ZNF564: variants seen among roughly 807,000 people sequenced by gnomAD.
ZNF564 encodes the protein zinc finger protein 564.
ZNF564 carries 5 observed loss-of-function variants against 10.5 expected under a neutral mutation model. The observed-to-expected ratio is 0.48, with a 90% CI of 0.25 to 1.00. The LOEUF is 1.00. ZNF564 is among the 50% of genes least tolerant of loss of function. ZNF564 has a pLI of 0.16. For synonymous variants in ZNF564, 242 were observed against 218.1 expected, an observed-to-expected ratio of 1.11 and a Z score of -0.97; for missense variants, 603 against 669.7, an observed-to-expected ratio of 0.90 and a Z score of 1.10.
intron 1 of ZNF564, among the ~76,000 whole-genome samples, chr19:12,536,392 G>A (rs1422090469): frequency 6.6e-6 from 1 of 152,126 alleles, no homozygotes; most frequent in Non-Finnish European, 1.5e-5. Flanking sequence ...GCCCAGGCTG[G>A]TCTCAAACTC....
chr19:12,527,793 A>AGT lies in ZNF564; in HGVS notation c.314_315insAC (p.Cys105Ter). ...KIPTIVRPCE[C>*]SLCGKVFMHH... Reference sequence around the variant, plus strand: ...GCATGAAGACTTTCCCACACAAACTACATTCACATGGTCTTACTATAGTAG... The same window carrying AGT: ...GCATGAAGACTTTCCCACACAAACTAGTCATTCACATGGTCTTACTATAGTAG... Residue 105 changes from cysteine to a stop codon, truncating the protein, a stop_gained and frameshift_variant, in exon 4 of 4, where the codon TGT becomes TGACT. Coordinates refer to ENST00000339282, the MANE Select transcript of ZNF564 (RefSeq NM_144976.4). LOFTEE classifies it low-confidence loss of function (END_TRUNC). The AGT allele has an allele frequency of 6.2e-7, 1 of 1,614,138 alleles. No individual in the cohort carries two copies. Among genetic ancestry groups the AGT allele is most frequent in the Non-Finnish European group, 8.5e-7 (1 of 1,180,034 alleles).
rs1231393080 is a variant in ZNF564, at chr19:12,551,350, G to A, written c.-18C>T. The A allele has an allele frequency of 2.5e-6, 4 of 1,603,126 alleles. No individual in the cohort carries two copies. Among genetic ancestry groups the A allele is most frequent in the Non-Finnish European group, 3.4e-6 (4 of 1,175,122 alleles). ...CGCACCATTTCCTGGCTTCCAGGGT[G>A]TCCCGGGGTCCTGCCTACGGCTCTC... On this transcript the variant is annotated 5_prime_UTR_variant, in exon 1 of 4. Transcript: ENST00000339282.
chr19:12,540,680 C>T (rs1014966305), intron 1 of ZNF564, among the ~76,000 whole-genome samples: 9 of 152,144 alleles, frequency 5.9e-5, no homozygotes, highest in Non-Finnish European at 1.3e-4. Flanking sequence ...TGATGAAACC[C>T]CGTCTCTACT....
chr19:12,551,461 A>T lies in ZNF564; in HGVS notation c.-129T>A. ...GAAGCGGAGACCGGAACCCAAACGC[A>T]GCGGACACGAAACAGGAAGACCCCG... On this transcript the variant is annotated 5_prime_UTR_variant, in exon 1 of 4. Coordinates refer to ENST00000339282, the MANE Select transcript of ZNF564 (RefSeq NM_144976.4). 7.0e-7 allele frequency: 1 copy of T among 1,430,188 alleles called. No homozygotes were observed. The highest frequency in any genetic ancestry group is 9.2e-7 in the Non-Finnish European group (1 of 1,092,060). 88.6% of individuals were successfully genotyped at this position (1,430,188 alleles called of 1,614,324 possible).
At chr19:12,549,020 C>G (rs963363580) in intron 1 of ZNF564, among the ~76,000 whole-genome samples, 2 of 151,912 alleles carry the variant, frequency 1.3e-5, no homozygotes, top group South Asian at 2.1e-4. Flanking sequence ...TGGGATTGAT[C>G]TGAAATCACC....
In ZNF564 at chr19:12,551,465, G is replaced by T; in HGVS notation, c.-133C>A. ...CGGAGACCGGAACCCAAACGCAGCG[G>T]ACACGAAACAGGAAGACCCCGCGGA... On this transcript the variant is annotated 5_prime_UTR_variant, in exon 1 of 4. Transcript: ENST00000339282. The T allele has an allele frequency of 2.8e-6, 4 of 1,428,446 alleles. No individual in the cohort carries two copies. Among genetic ancestry groups the T allele is most frequent in the Non-Finnish European group, 3.7e-6 (4 of 1,091,590 alleles). 88.5% of individuals were successfully genotyped at this position (1,428,446 alleles called of 1,614,324 possible).
At position 12,527,061 on chromosome 19, in the gene ZNF564, G is replaced by A. The variant is rs2021700150; in HGVS notation, c.1047C>T (p.Ser349=). 1 of 1,613,646 alleles carries A rather than the reference G, an allele frequency of 6.2e-7. No homozygotes were observed. Among genetic ancestry groups the A allele is most frequent in the South Asian group, 1.1e-5 (1 of 91,066 alleles). The change falls in exon 4 of 4, where the codon TCC becomes TCT. Residue 349 remains serine (S), a synonymous_variant. Coordinates refer to ENST00000339282, the MANE Select transcript of ZNF564 (RefSeq NM_144976.4). ...TCCTTTCATGTGTTCGAACATTACT[G>A]GAAGAACTGAAGGTTTTACCACATT... The part of the protein sequence containing the change: ...CNKCGKTFSS[S]SNVRTHERTH...
At chr19:12,542,231 C>T (rs1040860939) in intron 1 of ZNF564, among the ~76,000 whole-genome samples, 1 of 144,896 alleles carries the variant, frequency 6.9e-6, no homozygotes, top group Non-Finnish European at 1.5e-5. Flanking sequence ...ATTGCTTGAA[C>T]CGGGTAGGCA....
chr19:12,550,551 G>C lies in ZNF564; in HGVS notation c.3+779C>G, dbSNP rs565780352. On this transcript the variant is annotated intron_variant, in intron 1 of 3. Transcript: ENST00000339282. The stretch of plus-strand genomic sequence containing the variant: ...CATGCCTGTAATCCCAGTTACTCAG[G>C]AGGCTGAGGCAGGAGAATTGCTTGA... 5.2e-5 allele frequency: 12 copies of C among 229,802 alleles called. 1 individual carries two copies. The highest frequency in any genetic ancestry group is 4.2e-4 in the South Asian group (12 of 28,900). The allele number at this position is 229,802 out of a possible 1,614,324, so 14.2% of individuals were successfully genotyped here.
intron 1 of ZNF564, among the ~76,000 whole-genome samples, chr19:12,543,265 G>A (rs1261344640): frequency 1.4e-5 from 2 of 140,740 alleles, no homozygotes; most frequent in Admixed American, 7.6e-5. Context: ...TCACACCACT[G>A]CACTCCAGCC....
chr19:12,550,442 G>T, intron 1 of ZNF564: 1 of 200,288 alleles, frequency 5.0e-6, no homozygotes, highest in Non-Finnish European at 1.1e-5. Context: ...GATCACCTGA[G>T]GTCTGGAGTT....
At chr19:12,531,710 C>T (rs2145069515) in intron 1 of ZNF564, among the ~76,000 whole-genome samples, 1 of 152,098 alleles carries the variant, frequency 6.6e-6, no homozygotes, top group East Asian at 1.9e-4. Flanking sequence ...ATATGTCACA[C>T]CTCAGGTAAA....
In ZNF564 at chr19:12,527,821, A is replaced by C. The variant is rs1347777672; in HGVS notation, c.287T>G (p.Ile96Ser). 6.2e-7 allele frequency: 1 copy of C among 1,614,112 alleles called. No homozygotes were observed. The highest frequency in any genetic ancestry group is 1.7e-5 in the Admixed American group (1 of 60,000). The change falls in exon 4 of 4, where the codon ATT becomes AGT. Residue 96 changes from isoleucine to serine, a missense_variant. By Grantham distance (142) the Ile-to-Ser change is moderately radical (BLOSUM62 -2). Transcript: ENST00000339282. ...QILNLNLNKK[I>S]PTIVRPCECS... ...TTCACATGGTCTTACTATAGTAGGA[A>C]TTTTCTTGTTCAGATTAAGATTGAG...
In ZNF564 at chr19:12,526,308, C is replaced by G. The variant is rs2021678947; in HGVS notation, c.*138G>C. ...ATGTATTTCCAAAATATGAGACAGGCACAGGATAGAGATTCCTATTCCAAA... is the reference window on the plus strand; with the variant it reads ...ATGTATTTCCAAAATATGAGACAGGGACAGGATAGAGATTCCTATTCCAAA... On this transcript the variant is annotated 3_prime_UTR_variant, in exon 4 of 4. Transcript: ENST00000339282. 1.1e-6 allele frequency: 1 copy of G among 890,802 alleles called. No individual in the cohort carries two copies. Among genetic ancestry groups the G allele is most frequent in the Non-Finnish European group, 1.7e-6 (1 of 602,470 alleles). 55.2% of individuals were successfully genotyped at this position (890,802 alleles called of 1,614,324 possible).
Position 12,545,640 on chromosome 19 carries a change from A to C in ZNF564, c.3+5690T>G, listed in dbSNP as rs576492196. ...CATAATCTCCTCCTCGGGTTCAATA[A>C]TTTGCTAAAACTATTCAAAGAACTT... On this transcript the variant is annotated intron_variant, in intron 1 of 3. Coordinates refer to ENST00000339282, the MANE Select transcript of ZNF564 (RefSeq NM_144976.4). Among the ~76,000 whole-genome samples, 12 of 152,268 alleles carry C rather than the reference A, an allele frequency of 7.9e-5. No homozygotes were observed. In the South Asian group the frequency reaches 2.5e-3, roughly 32 times the overall value.
rs1210589874 is a variant in ZNF564 at position 12,528,556 on chromosome 19, G to A, written c.130+14C>T. ...TCTCTAACTGACTAAAAGAAGGAAT[G>A]ATGTCATCCTTACCTACACAGGCCA... is the stretch of plus-strand genomic sequence containing the variant. On this transcript the variant is annotated intron_variant, in intron 2 of 3. Transcript: ENST00000339282. The A allele has an allele frequency of 6.2e-6, 10 of 1,610,186 alleles. No homozygotes were observed. In the Middle Eastern group the frequency reaches 4.9e-4, roughly 80 times the overall value.
In ZNF564 at chr19:12,526,462, G is replaced by A; in HGVS notation, c.1646C>T (p.Thr549Ile). 1 of 1,594,922 alleles carries A rather than the reference G, an allele frequency of 6.3e-7. No individual in the cohort carries two copies. The highest frequency in any genetic ancestry group is 8.5e-7 in the Non-Finnish European group (1 of 1,172,078). ...TGTCCTCCACTATTCATTTTCACAG[G>A]TATTCGAAGGTTGTGTGATAAATGA... is the stretch of plus-strand genomic sequence containing the variant. ...KLSFITQPSN[T>I]CENE Residue 549 changes from threonine to isoleucine, a missense_variant, in exon 4 of 4, where the codon ACC becomes ATC. By Grantham distance (89) the Thr-to-Ile change is moderately conservative. Coordinates refer to ENST00000339282, the MANE Select transcript of ZNF564 (RefSeq NM_144976.4).
intron 1 of ZNF564, among the ~76,000 whole-genome samples, chr19:12,531,635 A>C (rs1305188045): frequency 6.6e-6 from 1 of 152,134 alleles, no homozygotes; most frequent in Non-Finnish European, 1.5e-5. Context: ...CTTTCTTACA[A>C]TACCACAGAA....
At chr19:12,536,936 T>A (rs2021927213) in intron 1 of ZNF564, among the ~76,000 whole-genome samples, 2 of 152,182 alleles carry the variant, frequency 1.3e-5, no homozygotes, top group African/African-American at 4.8e-5. Flanking sequence ...ACCTCAAAAA[T>A]AAGCCCATGT....
Sources: gnomAD v4.1 joint callset for allele counts (sites outside exome capture counted in the v4.1 genomes callset) on GRCh38, gnomAD v4.1.1 for gene constraint, MANE v1.5 for transcripts, NCBI Gene and HGNC (gene_info 2026-07-23, HGNC 2026-07-21) for gene names.